Variants in RALGAPA2 observed in about 807,000 individuals in gnomAD.
RALGAPA2 encodes ral GTPase-activating protein subunit alpha-2.
A neutral mutation model predicts 230.4 loss-of-function variants in RALGAPA2; 139 were observed. That is an observed-to-expected ratio of 0.60 (90% confidence interval 0.53 to 0.69). The LOEUF is 0.69. Ranked by LOEUF, RALGAPA2 falls within the 30% of genes least tolerant of loss-of-function variation. The probability of loss-of-function intolerance (pLI) is 0.00; values close to 1 mark genes in which losing one functional copy is unlikely to be tolerated. For missense variants in RALGAPA2, 2,163 were observed against 2,276.0 expected, an observed-to-expected ratio of 0.95 and a Z score of 1.01; for synonymous variants, 847 against 837.8, an observed-to-expected ratio of 1.01 and a Z score of -0.19.
chr20:20,617,249 A>C (rs937683606), intron 12 of RALGAPA2, among the ~76,000 whole-genome samples: 2 of 152,226 alleles, frequency 1.3e-5, no homozygotes, highest in Admixed American at 6.5e-5. Context: ...AATCTGACGA[A>C]ATTAAAATTA....
At chr20:20,396,203 C>T (rs887394268) in intron 39 of RALGAPA2, among the ~76,000 whole-genome samples, 2 of 152,246 alleles carry the variant, frequency 1.3e-5, no homozygotes, top group African/African-American at 2.4e-5. Context: ...AGCTTTTGTC[C>T]GCTTTTCCTT....
intron 1 of RALGAPA2, among the ~76,000 whole-genome samples, chr20:20,691,789 C>G (rs973612373): frequency 6.6e-6 from 1 of 152,158 alleles, no homozygotes; most frequent in Non-Finnish European, 1.5e-5. Context: ...AGTGTATATT[C>G]CTATTCCAAG....
chr20:20,587,649 G>T (rs1425013372), intron 18 of RALGAPA2, among the ~76,000 whole-genome samples: 1 of 151,850 alleles, frequency 6.6e-6, no homozygotes, highest in African/African-American at 2.4e-5. Flanking sequence ...TGATAATAGA[G>T]AATATCAAAA....
rs2066909141 is a variant in RALGAPA2, at chr20:20,637,910, AAAC to A, written c.667-412_667-410del. Among the ~76,000 whole-genome samples the A allele has an allele frequency of 3.9e-5, 6 of 152,358 alleles. No homozygotes were observed. In the South Asian group the frequency reaches 1.2e-3, roughly 32 times the overall value. ...CATTTATAATAAATAGAAATTAAAG[AAAC>A]AATCCCTCTCAAGAATTTCAACCAA... On this transcript the variant is annotated intron_variant, in intron 7 of 39. Coordinates refer to ENST00000202677, the MANE Select transcript of RALGAPA2 (RefSeq NM_020343.4).
chr20:20,619,507 A>T, intron 11 of RALGAPA2, 93 bp from the exon 12 acceptor site: 1 of 994,036 alleles, frequency 1.0e-6, no homozygotes, highest in Non-Finnish European at 1.3e-6. Context: ...TATATAAACT[A>T]AGTTATATTT....
At chr20:20,399,809 A>T (rs1485486458) in intron 38 of RALGAPA2, among the ~76,000 whole-genome samples, 1 of 152,220 alleles carries the variant, frequency 6.6e-6, no homozygotes, top group Non-Finnish European at 1.5e-5. Context: ...GCTTTGAACC[A>T]AGCTTCTTGC....
At chr20:20,394,874 A>C (rs1438536511) in intron 39 of RALGAPA2, among the ~76,000 whole-genome samples, 1 of 98,760 alleles carries the variant, frequency 1.0e-5, no homozygotes, top group Non-Finnish European at 1.9e-5. Flanking sequence ...AATCAGATTG[A>C]TTCTAATAAA....
intron 23 of RALGAPA2, among the ~76,000 whole-genome samples, chr20:20,553,293 T>C (rs910310084): frequency 1.3e-5 from 2 of 152,182 alleles, no homozygotes; most frequent in African/African-American, 4.8e-5. Flanking sequence ...GGCTCATACC[T>C]ATAATTCTAG....
At chr20:20,634,683 C>A (rs1015813716) in intron 9 of RALGAPA2, among the ~76,000 whole-genome samples, 1 of 152,198 alleles carries the variant, frequency 6.6e-6, no homozygotes, top group African/African-American at 2.4e-5. Flanking sequence ...GACCAGACTT[C>A]CTATCCCTGT....
At position 20,670,190 on chromosome 20, in the gene RALGAPA2, G is replaced by C. The variant is rs145468464; in HGVS notation, c.270+6046C>G. 4.7e-3 allele frequency among the ~76,000 whole-genome samples: 723 copies of C among 152,332 alleles called. 4 individuals are homozygous for C. The highest frequency in any genetic ancestry group is 7.9e-3 in the Non-Finnish European group (535 of 68,036). ...CCAGCACCTACGTGTGTCTGACACA[G>C]TGCATACCTAATAAATGTGTCTGAT... On this transcript the variant is annotated intron_variant, in intron 3 of 39. Transcript: ENST00000202677.
chr20:20,523,533 G>A (rs2063106860), intron 30 of RALGAPA2, among the ~76,000 whole-genome samples: 1 of 152,126 alleles, frequency 6.6e-6, no homozygotes, highest in African/African-American at 2.4e-5. Context: ...TAGTAGGGTG[G>A]CTGTAGTTAA....
intron 23 of RALGAPA2, among the ~76,000 whole-genome samples, chr20:20,564,477 T>C (rs576411485): frequency 6.6e-6 from 1 of 152,370 alleles, no homozygotes; most frequent in Admixed American, 6.5e-5. Flanking sequence ...GATACTTGTT[T>C]ATGCATCTCA....
chr20:20,670,973 T>C (rs1364172916), intron 3 of RALGAPA2, among the ~76,000 whole-genome samples: 14 of 145,664 alleles, frequency 9.6e-5, no homozygotes, highest in Non-Finnish European at 4.5e-5. Context: ...AAAAAAAATA[T>C]GATAAACAAC....
At chr20:20,476,691 A>C (rs1305785785) in intron 36 of RALGAPA2, among the ~76,000 whole-genome samples, 2 of 148,424 alleles carry the variant, frequency 1.3e-5, no homozygotes, top group African/African-American at 4.9e-5. Context: ...ATAAATAAAT[A>C]AATAAATAAA....
chr20:20,645,823 T>C (rs536278275), intron 4 of RALGAPA2, among the ~76,000 whole-genome samples: 2 of 152,274 alleles, frequency 1.3e-5, no homozygotes, highest in South Asian at 2.1e-4. Context: ...ATAGTACTTA[T>C]CAGACAACTG....
intron 37 of RALGAPA2, among the ~76,000 whole-genome samples, chr20:20,433,004 C>T (rs576196499): frequency 4.9e-4 from 75 of 152,324 alleles, no homozygotes; most frequent in Non-Finnish European, 8.4e-4. Context: ...AGTGAATTCT[C>T]CCCATTCTAA....
At chr20:20,477,339 T>C (rs2061675827) in intron 36 of RALGAPA2, among the ~76,000 whole-genome samples, 1 of 152,168 alleles carries the variant, frequency 6.6e-6, no homozygotes, top group African/African-American at 2.4e-5. Flanking sequence ...AACACATTCA[T>C]TTCAAGCATG....
chr20:20,596,818 C>A (rs2065469001), intron 16 of RALGAPA2, among the ~76,000 whole-genome samples: 1 of 152,202 alleles, frequency 6.6e-6, no homozygotes, highest in Non-Finnish European at 1.5e-5. Flanking sequence ...TTGGGCCAGA[C>A]AATTCTTTGT....
rs2062755582 is a variant in RALGAPA2 at position 20,512,915 on chromosome 20, A to G, written c.4454T>C (p.Leu1485Ser). 3 of 1,613,826 alleles carry G rather than the reference A, an allele frequency of 1.9e-6. No homozygotes were observed. The highest frequency in any genetic ancestry group is 2.5e-6 in the Non-Finnish European group (3 of 1,179,738). Reference protein sequence around the residue: ...KVLYGPLEGCLAPNGRNPSFL... With the variant: ...KVLYGPLEGCSAPNGRNPSFL... ...TGAAGGATTTCTTCCATTGGGTGCT[A>G]AGCAGCCTTCCAAAGGTCCATATAA... is the stretch of plus-strand genomic sequence containing the variant. The change falls in exon 32 of 40, where the codon TTA becomes TCA. Residue 1485 changes from leucine to serine, a missense_variant. Physicochemically the swap from Leu to Ser is moderately radical, Grantham distance 145. Coordinates refer to ENST00000202677, the MANE Select transcript of RALGAPA2 (RefSeq NM_020343.4).
Sources: gnomAD v4.1 joint callset for allele counts (sites outside exome capture counted in the v4.1 genomes callset) on GRCh38, gnomAD v4.1.1 for gene constraint, MANE v1.5 for transcripts, NCBI Gene and HGNC (gene_info 2026-07-23, HGNC 2026-07-21) for gene names.